The following PTPRE variants were observed in gnomAD, a reference collection of about 807,000 sequenced individuals.
PTPRE encodes receptor-type tyrosine-protein phosphatase epsilon.
In PTPRE, 51 loss-of-function variants were observed where a neutral mutation model predicts 102.0. The ratio of observed to expected loss-of-function variants is 0.50; its 90% CI spans 0.40 to 0.63. PTPRE has a LOEUF of 0.63. Ranked by LOEUF, PTPRE falls within the 30% of genes least tolerant of loss-of-function variation. The pLI, the probability that PTPRE is intolerant of heterozygous loss-of-function variation, is 0.00. For missense variants in PTPRE, 752 were observed against 915.1 expected (o/e 0.82, Z 2.30); for synonymous variants, 345 against 348.2 (o/e 0.99, Z 0.10).
Position 128,028,265 on chromosome 10 carries a change from G to T in PTPRE, c.-7-12610G>T, listed in dbSNP as rs1051721540. Among the ~76,000 whole-genome samples the T allele has an allele frequency of 6.6e-6, 1 of 152,112 alleles. No individual in the cohort carries two copies. The highest frequency in any genetic ancestry group is 2.4e-5 in the African/African-American group (1 of 41,420). ...AAATATGGGATCCGGATCACCCTGC[G>T]CCTGTCTCCTCCCCAGTCCTTTCTG... On this transcript the variant is annotated intron_variant, in intron 2 of 20. Coordinates refer to ENST00000254667, the MANE Select transcript of PTPRE (RefSeq NM_006504.6). This position sits in a 1 kb window ranked among gnomAD's most constrained non-coding sequence, Gnocchi z 4.5.
intron 6 of PTPRE, among the ~76,000 whole-genome samples, chr10:128,053,086 C>CA (rs1430478184): frequency 6.6e-6 from 1 of 151,930 alleles, no homozygotes; most frequent in Non-Finnish European, 1.5e-5. Context: ...CCATCTCTAC[C>CA]AAAAAACTAC....
rs139901215 is a variant in PTPRE at position 127,997,939 on chromosome 10, A to G, written c.-8+15643A>G. On this transcript the variant is annotated intron_variant, in intron 2 of 20. Coordinates refer to ENST00000254667, the MANE Select transcript of PTPRE (RefSeq NM_006504.6). Reference sequence around the variant, plus strand: ...ACACTTCCATCTGTCCCCATTCGTCATCACTGTGAGATGAAGCTAAGAGTT... The same window carrying G: ...ACACTTCCATCTGTCCCCATTCGTCGTCACTGTGAGATGAAGCTAAGAGTT... 3.9e-5 allele frequency among the ~76,000 whole-genome samples: 6 copies of G among 152,362 alleles called. No homozygotes were observed. In the East Asian group the frequency reaches 7.7e-4, roughly 20 times the overall value.
chr10:127,987,917 G>C (rs1001456101), intron 2 of PTPRE, among the ~76,000 whole-genome samples: 1 of 152,238 alleles, frequency 6.6e-6, no homozygotes, highest in African/African-American at 2.4e-5. Flanking sequence ...TCTTCAAGGA[G>C]CTTGTCTTCA....
chr10:128,018,221 C>G (rs1029793980), intron 2 of PTPRE, among the ~76,000 whole-genome samples: 1 of 152,154 alleles, frequency 6.6e-6, no homozygotes, highest in African/African-American at 2.4e-5. Flanking sequence ...TGAAACTCGG[C>G]ATCCTCTGAA....
chr10:128,002,839 G>A (rs992361809), intron 2 of PTPRE, among the ~76,000 whole-genome samples: 54 of 151,596 alleles, frequency 3.6e-4, no homozygotes, highest in Middle Eastern at 6.8e-3. Flanking sequence ...GACCACAGGC[G>A]TGCACCACCA....
At chr10:128,071,042 C>T in intron 15 of PTPRE, 141 bp downstream of exon 15, 1 of 757,746 alleles carries the variant, frequency 1.3e-6, no homozygotes, top group East Asian at 2.7e-5. Flanking sequence ...GCTAAGGGCT[C>T]CTGTGTGCTG....
intron 1 of PTPRE, among the ~76,000 whole-genome samples, chr10:127,954,295 C>A (rs1379047424): frequency 6.6e-6 from 1 of 152,208 alleles, no homozygotes; most frequent in Admixed American, 6.5e-5. Context: ...CAGAGATCAA[C>A]ATGGGGTCCC....
chr10:127,949,036 C>T (rs1848830411), intron 1 of PTPRE, among the ~76,000 whole-genome samples: 1 of 152,246 alleles, frequency 6.6e-6, no homozygotes, highest in African/African-American at 2.4e-5. Flanking sequence ...GGCTTGTCAG[C>T]CTTTGGATTC....
At chr10:128,065,534 C>T (rs1010154454) in intron 10 of PTPRE, among the ~76,000 whole-genome samples, 10 of 152,208 alleles carry the variant, frequency 6.6e-5, no homozygotes, top group Admixed American at 3.3e-4. Context: ...GCAGACTCCA[C>T]GGCAGCCTCG....
At chr10:127,926,649 C>T (rs1847030537) in intron 1 of PTPRE, among the ~76,000 whole-genome samples, 1 of 151,934 alleles carries the variant, frequency 6.6e-6, no homozygotes, top group African/African-American at 2.4e-5. Context: ...TAGCGACGGG[C>T]TCTGTGTGTC....
intron 20 of PTPRE, among the ~76,000 whole-genome samples, chr10:128,081,848 G>A (rs370351358): frequency 1.3e-5 from 2 of 152,144 alleles, no homozygotes; most frequent in East Asian, 1.9e-4. Context: ...TGGCCAGACC[G>A]GGACTCAGGA....
intron 2 of PTPRE, among the ~76,000 whole-genome samples, chr10:128,040,190 T>C (rs534354061): frequency 2.6e-5 from 4 of 152,194 alleles, no homozygotes; most frequent in African/African-American, 9.6e-5. Flanking sequence ...GACATGGCCA[T>C]GGTCAGATGC....
At position 128,077,588 on chromosome 10, in the gene PTPRE, G is replaced by A. The variant is rs753604883; in HGVS notation, c.1726-29G>A. On this transcript the variant is annotated intron_variant, in intron 18 of 20. Coordinates refer to ENST00000254667, the MANE Select transcript of PTPRE (RefSeq NM_006504.6). ...GGGGCCTGTTCCCCGGCAGGCAGGC[G>A]ACGCTGAGACCCCCTCTCCTCCCTG... The A allele has an allele frequency of 7.1e-5, 113 of 1,581,098 alleles. 1 individual carries two copies. In the South Asian group the frequency reaches 9.5e-4, roughly 13 times the overall value.
At chr10:128,057,370 C>A (rs1849077737) in intron 7 of PTPRE, among the ~76,000 whole-genome samples, 1 of 152,190 alleles carries the variant, frequency 6.6e-6, no homozygotes, top group African/African-American at 2.4e-5. Context: ...AAATCCCGAA[C>A]CTGCAGCCTC....
chr10:128,006,754 C>A (rs111813634), intron 2 of PTPRE, among the ~76,000 whole-genome samples: 5 of 152,122 alleles, frequency 3.3e-5, no homozygotes, highest in South Asian at 2.1e-4. Context: ...AATGAAGGGG[C>A]CTTTCCTGCA....
intron 5 of PTPRE, among the ~76,000 whole-genome samples, chr10:128,049,049 T>G (rs752124727): frequency 1.3e-5 from 2 of 152,064 alleles, no homozygotes; most frequent in African/African-American, 2.4e-5. Flanking sequence ...CCTTGGAGCT[T>G]ATGGGGTTTG....
chr10:128,061,668 A>T lies in PTPRE; in HGVS notation c.589-11A>T. 1 of 1,580,144 alleles carries T rather than the reference A, an allele frequency of 6.3e-7. No individual in the cohort carries two copies. Among genetic ancestry groups the T allele is most frequent in the Non-Finnish European group, 8.6e-7 (1 of 1,165,994 alleles). On this transcript the variant is annotated splice_polypyrimidine_tract_variant and intron_variant, in intron 8 of 20. Coordinates refer to ENST00000254667, the MANE Select transcript of PTPRE (RefSeq NM_006504.6). The stretch of plus-strand genomic sequence containing the variant: ...TCTGAAAAAATATAAATCTGATGTT[A>T]TTTTTTCTAGGGTTACAAAGAGAAG...
intron 2 of PTPRE, 106 bp from the exon 3 acceptor site, chr10:128,040,769 A>C: frequency 1.3e-6 from 1 of 783,336 alleles, no homozygotes; most frequent in South Asian, 1.6e-5. Flanking sequence ...GCTCAGAGAA[A>C]GCCCTGAAAT....
chr10:128,019,622 C>T (rs1845698393), intron 2 of PTPRE, among the ~76,000 whole-genome samples: 1 of 152,218 alleles, frequency 6.6e-6, no homozygotes, highest in Admixed American at 6.5e-5. Context: ...GGTGGTGTGT[C>T]CTATGTCAGC....
Sources: gnomAD v4.1 joint callset for allele counts (sites outside exome capture counted in the v4.1 genomes callset) on GRCh38, gnomAD v4.1.1 for gene constraint, Gnocchi (gnomAD v3.1) non-coding constraint, MANE v1.5 for transcripts, NCBI Gene and HGNC (gene_info 2026-07-23, HGNC 2026-07-21) for gene names.